Variants in CHRM3 observed in about 807,000 individuals in gnomAD.
CHRM3 encodes muscarinic acetylcholine receptor M3.
Under a neutral mutation model 41.8 loss-of-function variants are expected in CHRM3, and 11 were observed. That is an observed-to-expected ratio of 0.26 (90% CI 0.17 to 0.44). CHRM3 has a LOEUF of 0.44. Ranked by LOEUF, CHRM3 falls within the 20% of genes least tolerant of loss-of-function variation. CHRM3 has a pLI of 1.00. For missense variants in CHRM3, 571 were observed against 745.4 expected, an observed-to-expected ratio of 0.77 and a Z score of 2.72; for synonymous variants, 297 against 301.4, an observed-to-expected ratio of 0.99 and a Z score of 0.15.
At chr1:239,583,020 T>TTCA (rs1663045972) in intron 3 of CHRM3, among the ~76,000 whole-genome samples, 1 of 152,216 alleles carries the variant, frequency 6.6e-6, no homozygotes, top group Admixed American at 6.5e-5. Flanking sequence ...CACTCATACC[T>TTCA]GTGCCTTCAA....
intron 5 of CHRM3, among the ~76,000 whole-genome samples, chr1:239,804,985 G>T (rs1368755403): frequency 6.6e-6 from 1 of 151,944 alleles, no homozygotes; most frequent in Admixed American, 6.6e-5. Context: ...TCCATCTCCT[G>T]TTCTTCCACA....
At chr1:239,463,998 C>A (rs751503536) in intron 1 of CHRM3, among the ~76,000 whole-genome samples, 1 of 152,086 alleles carries the variant, frequency 6.6e-6, no homozygotes, top group Non-Finnish European at 1.5e-5. Flanking sequence ...AGTTCTCGGC[C>A]AGGCATGGTG....
chr1:239,540,844 A>G (rs1468975335), intron 2 of CHRM3, among the ~76,000 whole-genome samples: 1 of 152,124 alleles, frequency 6.6e-6, no homozygotes, highest in Non-Finnish European at 1.5e-5. Flanking sequence ...ACATTCCATA[A>G]TGTTAAACTG....
At chr1:239,863,368 A>G (rs564284319) in intron 6 of CHRM3, among the ~76,000 whole-genome samples, 51 of 152,168 alleles carry the variant, frequency 3.4e-4, no homozygotes, top group Non-Finnish European at 7.2e-4. Flanking sequence ...GGTGCCCTGA[A>G]TAGCCAGGGC....
intron 5 of CHRM3, among the ~76,000 whole-genome samples, chr1:239,750,617 T>TG (rs1285249543): frequency 6.6e-6 from 1 of 152,206 alleles, no homozygotes; most frequent in Non-Finnish European, 1.5e-5. Context: ...AACCTAGTCT[T>TG]GCGTTAATCA....
At chr1:239,822,872 G>A (rs1048809852) in intron 5 of CHRM3, among the ~76,000 whole-genome samples, 10 of 152,260 alleles carry the variant, frequency 6.6e-5, no homozygotes, top group Admixed American at 6.5e-5. Context: ...GGTACTTAGA[G>A]TAAAATGTTA....
rs1211670596 is a variant in CHRM3 at position 239,415,569 on chromosome 1, CAAA to C, written c.-521+28343_-521+28345del. ...CTTGAGGAAAATATAAAGTTGTAAA[CAAA>C]GAAGAAACTCACATTCAGATAGGGA... On this transcript the variant is annotated intron_variant, in intron 1 of 6. Coordinates refer to ENST00000676153, the MANE Select transcript of CHRM3 (RefSeq NM_001375978.1). Among the ~76,000 whole-genome samples the C allele has an allele frequency of 7.9e-5, 12 of 152,062 alleles. No homozygotes were observed. The East Asian group carries it at 2.3e-3, about 29-fold the overall frequency.
At chr1:239,867,321 T>A (rs1223229609) in intron 6 of CHRM3, among the ~76,000 whole-genome samples, 1 of 152,240 alleles carries the variant, frequency 6.6e-6, no homozygotes, top group South Asian at 2.1e-4. Context: ...TTCTGCTTAT[T>A]TGAAAACTGA....
chr1:239,398,932 AATGCCCAT>A (rs1441731623), intron 1 of CHRM3, among the ~76,000 whole-genome samples: 2 of 152,198 alleles, frequency 1.3e-5, no homozygotes, highest in Non-Finnish European at 2.9e-5. Context: ...CCCACAAAAA[AATGCCCAT>A]ATATTAAGGT....
At chr1:239,507,202 G>C (rs1450602404) in intron 2 of CHRM3, among the ~76,000 whole-genome samples, 1 of 152,108 alleles carries the variant, frequency 6.6e-6, no homozygotes, top group Admixed American at 6.5e-5. Flanking sequence ...GGCCAGGTGT[G>C]GAATGATATG....
chr1:239,859,419 GTTTTTTTTTT>G (rs36006673), intron 6 of CHRM3, among the ~76,000 whole-genome samples: 1 of 97,492 alleles, frequency 1.0e-5, no homozygotes, highest in African/African-American at 4.2e-5. Flanking sequence ...TGTTGTTGTT[GTTTTTTTTTT>G]TTGTTTTTTT....
At chr1:239,683,575 C>CCATATTAAGGCCATAT (rs1227535813) in intron 5 of CHRM3, among the ~76,000 whole-genome samples, 3 of 152,080 alleles carry the variant, frequency 2.0e-5, no homozygotes, top group African/African-American at 4.8e-5. Flanking sequence ...AGGAGATGTG[C>CCATATTAAGGCCATAT]TAGGTCTAAA....
At chr1:239,643,400 T>A (rs1671413567) in intron 4 of CHRM3, among the ~76,000 whole-genome samples, 1 of 152,228 alleles carries the variant, frequency 6.6e-6, no homozygotes, top group Non-Finnish European at 1.5e-5. Context: ...GCAGGCCTCC[T>A]TGAGCTGTGG....
chr1:239,681,802 G>A (rs7518934), intron 5 of CHRM3, among the ~76,000 whole-genome samples: 2,819 of 152,220 alleles, frequency 0.019, 100 homozygotes, highest in African/African-American at 0.065. Flanking sequence ...GGGAGGCTGA[G>A]GTGGGAGGAT....
At chr1:239,757,800 T>C (rs1666368387) in intron 5 of CHRM3, among the ~76,000 whole-genome samples, 1 of 152,178 alleles carries the variant, frequency 6.6e-6, no homozygotes, top group African/African-American at 2.4e-5. Context: ...GAACGTTGAA[T>C]GTTAATGCAT....
intron 3 of CHRM3, among the ~76,000 whole-genome samples, chr1:239,581,319 T>A (rs993353985): frequency 6.6e-6 from 1 of 152,130 alleles, no homozygotes; most frequent in African/African-American, 2.4e-5. Flanking sequence ...CTCTCCTTTT[T>A]CAGATGGGGA....
intron 3 of CHRM3, among the ~76,000 whole-genome samples, chr1:239,570,625 G>T (rs984016500): frequency 1.3e-5 from 2 of 152,152 alleles, no homozygotes; most frequent in African/African-American, 4.8e-5. Context: ...TTTGCTTGCA[G>T]CTGAGCATTG....
chr1:239,590,931 T>G (rs1428239173), intron 3 of CHRM3, among the ~76,000 whole-genome samples: 1 of 152,204 alleles, frequency 6.6e-6, no homozygotes, highest in Non-Finnish European at 1.5e-5. Context: ...AATCCCATTG[T>G]AGGATATGGC....
At chr1:239,842,105 T>C (rs1440216002) in intron 6 of CHRM3, among the ~76,000 whole-genome samples, 3 of 152,066 alleles carry the variant, frequency 2.0e-5, no homozygotes, top group Non-Finnish European at 4.4e-5. Flanking sequence ...ATACAACTTA[T>C]AACAAAACTA....
Sources: gnomAD v4.1 joint callset for allele counts (sites outside exome capture counted in the v4.1 genomes callset) on GRCh38, gnomAD v4.1.1 for gene constraint, MANE v1.5 for transcripts, NCBI Gene and HGNC (gene_info 2026-07-23, HGNC 2026-07-21) for gene names.